Variants in CD99 observed in about 807,000 individuals in gnomAD.
The protein encoded by CD99 is CD99 molecule (Xg blood group).
CD99 carries 19 observed loss-of-function variants against 28.4 expected under a neutral mutation model. The ratio of observed to expected loss-of-function variants is 0.67; its 90% CI spans 0.47 to 0.98. The LOEUF is 0.98. Among genes scored for constraint, CD99 ranks in the 50% least tolerant of loss-of-function variants. The probability of loss-of-function intolerance (pLI) is 0.00; values close to 1 mark genes in which losing one functional copy is unlikely to be tolerated. For missense variants in CD99, 283 were observed against 248.8 expected, an observed-to-expected ratio of 1.14 and a Z score of -0.92; for synonymous variants, 103 against 92.1, an observed-to-expected ratio of 1.12 and a Z score of -0.67.
Position 2,719,685 on chromosome X carries a change from C to G in CD99, c.173C>G (p.Ala58Gly). 6.2e-7 allele frequency: 1 copy of G among 1,613,870 alleles called. No individual in the cohort carries two copies. Among genetic ancestry groups the G allele is most frequent in the Non-Finnish European group, 8.5e-7 (1 of 1,179,802 alleles). ...GGGGATGACTTTGACTTAGGAGATG[C>G]TGTTGTTGATGGAGAAAATGGTGAG... ...SAGDDFDLGDAVVDGENDDPR... is the reference protein window; with the variant it reads ...SAGDDFDLGDGVVDGENDDPR... Residue 58 changes from alanine (A) to glycine (G), a missense_variant, in exon 4 of 10, where the codon GCT (alanine) becomes GGT (glycine). Ala to Gly is a moderately conservative substitution (Grantham distance 60). Coordinates refer to ENST00000381192, the MANE Select transcript of CD99 (RefSeq NM_002414.5).
At chrX:2,732,026 T>C in intron 8 of CD99, among the ~76,000 whole-genome samples, 1 of 152,212 alleles carries the variant, frequency 6.6e-6, no homozygotes, top group East Asian at 1.9e-4. Flanking sequence ...TTACCTTTTT[T>C]TGTAGAGACA....
rs921254054 is a variant in CD99, at chrX:2,740,973, G to C, written c.*169G>C. On this transcript the variant is annotated 3_prime_UTR_variant, in exon 10 of 10. Transcript: ENST00000381192. ...CTTTGCTTGTTGCTGGGCGGATGATGTTTACTAACGATGAATTTTACATCC... is the reference window on the plus strand; with the variant it reads ...CTTTGCTTGTTGCTGGGCGGATGATCTTTACTAACGATGAATTTTACATCC... 10 of 764,536 alleles carry C rather than the reference G, an allele frequency of 1.3e-5. No individual in the cohort carries two copies. Among genetic ancestry groups the C allele is most frequent in the Non-Finnish European group, 2.3e-5 (10 of 443,696 alleles). 47.4% of individuals were successfully genotyped at this position (764,536 alleles called of 1,614,324 possible).
At position 2,723,666 on chromosome X, in the gene CD99, C is replaced by T. The variant is rs181847867; in HGVS notation, c.361+302C>T. Among the ~76,000 whole-genome samples, 46 of 152,270 alleles carry T rather than the reference C, an allele frequency of 3.0e-4. 1 individual carries two copies. Among genetic ancestry groups the T allele is most frequent in the Admixed American group, 2.0e-3 (31 of 15,284 alleles). On this transcript the variant is annotated intron_variant, in intron 7 of 9. Coordinates refer to ENST00000381192, the MANE Select transcript of CD99 (RefSeq NM_002414.5). ...CCTTGTCCTTGTGTTTACAAAAGCTCCTACACTCACCCTAACGATCAGAGG... is the reference window on the plus strand; with the variant it reads ...CCTTGTCCTTGTGTTTACAAAAGCTTCTACACTCACCCTAACGATCAGAGG...
intron 7 of CD99, 121 bp downstream of exon 7, chrX:2,723,485 C>T: frequency 1.7e-6 from 2 of 1,146,302 alleles, no homozygotes; most frequent in South Asian, 1.2e-5. Flanking sequence ...TGGCAGGAGG[C>T]ACGGGTGTTC....
At chrX:2,724,028 AG>A (rs1437271296) in intron 7 of CD99, among the ~76,000 whole-genome samples, 1 of 137,988 alleles carries the variant, frequency 7.2e-6, no homozygotes, top group East Asian at 2.5e-4. Flanking sequence ...AAGGGAAGGA[AG>A]GAAGGGAGGA....
chrX:2,712,654 T>C (rs2048466603), intron 1 of CD99, among the ~76,000 whole-genome samples: 1 of 152,106 alleles, frequency 6.6e-6, no homozygotes, highest in South Asian at 2.1e-4. Flanking sequence ...ATTTCAGGGC[T>C]CTGAGGTTGT....
At chrX:2,704,148 C>T (rs1353371463) in intron 1 of CD99, among the ~76,000 whole-genome samples, 10 of 152,322 alleles carry the variant, frequency 6.6e-5, no homozygotes, top group African/African-American at 1.9e-4. Context: ...CGGTGTGAGG[C>T]GTGCTCAGCC....
At chrX:2,704,016 G>A (rs1006418040) in intron 1 of CD99, among the ~76,000 whole-genome samples, 1 of 152,106 alleles carries the variant, frequency 6.6e-6, no homozygotes, top group Non-Finnish European at 1.5e-5. Context: ...GCATCACCCT[G>A]GAGTTTGTTA....
chrX:2,704,781 T>G (rs966676775), intron 1 of CD99, among the ~76,000 whole-genome samples: 12 of 151,830 alleles, frequency 7.9e-5, no homozygotes, highest in African/African-American at 2.9e-4. Context: ...TGGTGCAGTG[T>G]CAGCTCCCTG....
chrX:2,720,522 T>TACTGC, intron 5 of CD99, 98 bp downstream of exon 5: 1 of 1,092,530 alleles, frequency 9.2e-7, no homozygotes, highest in Non-Finnish European at 1.4e-6. Context: ...AGTGTGTGCT[T>TACTGC]ACTGTTGACT....
At chrX:2,712,543 A>G (rs1053083046) in intron 1 of CD99, among the ~76,000 whole-genome samples, 5 of 152,152 alleles carry the variant, frequency 3.3e-5, no homozygotes, top group African/African-American at 1.2e-4. Context: ...CTGGATCAGT[A>G]GGATCCTCCC....
intron 8 of CD99, among the ~76,000 whole-genome samples, chrX:2,727,600 C>T (rs1257874611): frequency 6.6e-6 from 1 of 152,178 alleles, no homozygotes; most frequent in African/African-American, 2.4e-5. Context: ...CCTCAGCCTC[C>T]TGAGTAGCTG....
At position 2,717,596 on chromosome X, in the gene CD99, T is replaced by C. The variant is rs751621263; in HGVS notation, c.101-9T>C. The stretch of plus-strand genomic sequence containing the variant: ...AACTTTTACTAACTGAAATATCTTA[T>C]CTCTTTAGACAATGAAAACAAGAAA... On this transcript the variant is annotated splice_polypyrimidine_tract_variant and intron_variant, in intron 2 of 9. Coordinates refer to ENST00000381192, the MANE Select transcript of CD99 (RefSeq NM_002414.5). 5.0e-6 allele frequency: 8 copies of C among 1,611,544 alleles called. No homozygotes were observed. The highest frequency in any genetic ancestry group is 4.5e-5 in the East Asian group (2 of 44,884).
chrX:2,717,537 C>A, intron 2 of CD99, 68 bp from the exon 3 acceptor site: 1 of 1,246,990 alleles, frequency 8.0e-7, no homozygotes, highest in African/African-American at 1.5e-5. Flanking sequence ...ACATCCTTAA[C>A]CACAAAAGAG....
chrX:2,706,520 G>A (rs1351408688), intron 1 of CD99, among the ~76,000 whole-genome samples: 1 of 152,156 alleles, frequency 6.6e-6, no homozygotes, highest in Non-Finnish European at 1.5e-5. Flanking sequence ...GGAAAAGGGT[G>A]TGGAAAACCA....
At chrX:2,693,409 AG>A (rs1260745471) in intron 1 of CD99, among the ~76,000 whole-genome samples, 1 of 152,070 alleles carries the variant, frequency 6.6e-6, no homozygotes, top group Non-Finnish European at 1.5e-5. Context: ...TTCCAATTGC[AG>A]AGGAGGGCCT....
At chrX:2,712,994 A>G (rs311067) in intron 1 of CD99, among the ~76,000 whole-genome samples, 56,313 of 151,522 alleles carry the variant, frequency 0.37, 11,897 homozygotes, top group African/African-American at 0.58. Flanking sequence ...AAACCCACAA[A>G]TGCACACACC....
chrX:2,720,334 A>G (rs1309828320), intron 4 of CD99, 22 bp from the exon 5 acceptor site: 4 of 1,612,792 alleles, frequency 2.5e-6, no homozygotes, highest in Admixed American at 3.3e-5. Flanking sequence ...TTAAAATTGC[A>G]ACTCTCATCT....
chrX:2,720,379 C>T lies in CD99; in HGVS notation c.217C>T (p.Pro73Ser), dbSNP rs2048934923. The change falls in exon 5 of 10, where the codon CCC becomes TCC. Residue 73 changes from proline to serine, a missense_variant. Transcript: ENST00000381192. ...ENDDPRPPNP[P>S]KPMPNPNPNH... ...AGACGACCCACGACCACCGAACCCACCCAAACCGATGCCAAATCCAAACCC... is the reference window on the plus strand; with the variant it reads ...AGACGACCCACGACCACCGAACCCATCCAAACCGATGCCAAATCCAAACCC... The T allele has an allele frequency of 6.2e-7, 1 of 1,613,874 alleles. No homozygotes were observed. The highest frequency in any genetic ancestry group is 8.5e-7 in the Non-Finnish European group (1 of 1,179,852).
Sources: gnomAD v4.1 joint callset for allele counts (sites outside exome capture counted in the v4.1 genomes callset) on GRCh38, gnomAD v4.1.1 for gene constraint, MANE v1.5 for transcripts, NCBI Gene and HGNC (gene_info 2026-07-23, HGNC 2026-07-21) for gene names.